The following SH3BGRL2 variants were observed in gnomAD, a reference collection of about 807,000 sequenced individuals.
SH3BGRL2 encodes the protein SH3 domain-binding glutamic acid-rich-like protein 2.
SH3BGRL2 carries 21 observed loss-of-function variants against 14.8 expected under a neutral mutation model. The observed-to-expected ratio is 1.42, with a 90% CI of 1.01 to 2.05. The LOEUF (loss-of-function observed/expected upper bound fraction) is 2.05. Ranked by LOEUF, SH3BGRL2 falls within the 30% of genes most tolerant of loss-of-function variation. SH3BGRL2 has a pLI of 0.00. For missense variants in SH3BGRL2, 147 were observed against 130.8 expected, an observed-to-expected ratio of 1.12 and a Z score of -0.61; for synonymous variants, 50 against 47.8, an observed-to-expected ratio of 1.05 and a Z score of -0.19.
At chr6:79,543,376 C>T in the SH3BGRL2 span, among the ~76,000 whole-genome samples, 2 of 152,090 alleles carry the variant, frequency 1.3e-5, no homozygotes, top group Non-Finnish European at 2.9e-5. Flanking sequence ...TGTAGCTAAC[C>T]TATTGGACAA....
the SH3BGRL2 span, among the ~76,000 whole-genome samples, chr6:79,542,437 T>A: frequency 6.6e-6 from 1 of 152,002 alleles, no homozygotes; most frequent in Admixed American, 6.6e-5. Flanking sequence ...ACCCAGCTAA[T>A]TTTGTATTAT....
the SH3BGRL2 span, among the ~76,000 whole-genome samples, chr6:79,553,927 C>T: frequency 4.6e-5 from 7 of 150,958 alleles, no homozygotes; most frequent in South Asian, 1.5e-3. Context: ...GAGATTGTGC[C>T]ACTGCACTCC....
At chr6:79,614,789 T>G in the SH3BGRL2 span, among the ~76,000 whole-genome samples, 2 of 151,920 alleles carry the variant, frequency 1.3e-5, no homozygotes, top group African/African-American at 2.4e-5. Context: ...CGGAGGCCAG[T>G]GGCCACAGGA....
At chr6:79,675,701 T>A (rs9341787) in intron 2 of SH3BGRL2, among the ~76,000 whole-genome samples, 17,548 of 152,152 alleles carry the variant, frequency 0.12, 1,264 homozygotes, top group East Asian at 0.31. Context: ...TCATTGAATT[T>A]TTGTCCTTTT....
At chr6:79,681,114 T>A (rs192390043) in intron 2 of SH3BGRL2, among the ~76,000 whole-genome samples, 2 of 152,278 alleles carry the variant, frequency 1.3e-5, no homozygotes, top group East Asian at 3.9e-4. Flanking sequence ...GAGGATGCCA[T>A]ATCTAGAGTC....
chr6:79,677,094 TG>T (rs1769900486), intron 2 of SH3BGRL2, among the ~76,000 whole-genome samples: 2 of 152,136 alleles, frequency 1.3e-5, no homozygotes, highest in African/African-American at 2.4e-5. Flanking sequence ...AATTTGACTT[TG>T]ACATAAGCAT....
intron 2 of SH3BGRL2, among the ~76,000 whole-genome samples, chr6:79,683,022 A>AAG (rs1350568834): frequency 5.9e-5 from 9 of 152,168 alleles, no homozygotes; most frequent in Non-Finnish European, 1.2e-4. Context: ...GACACAGGGC[A>AAG]GGGAACATCA....
At chr6:79,628,385 C>T (rs1289092597), upstream of SH3BGRL2, among the ~76,000 whole-genome samples, 2 of 151,650 alleles carry the variant, frequency 1.3e-5, no homozygotes, top group Non-Finnish European at 2.9e-5. Flanking sequence ...TACTTTAAAA[C>T]ATTCTAGCCA....
At chr6:79,674,834 C>G (rs1009285544) in intron 2 of SH3BGRL2, among the ~76,000 whole-genome samples, 1 of 152,118 alleles carries the variant, frequency 6.6e-6, no homozygotes, top group African/African-American at 2.4e-5. Context: ...GGCTGGGACA[C>G]CTTTGGAAAG....
chr6:79,610,901 T>C, the SH3BGRL2 span, among the ~76,000 whole-genome samples: 1 of 152,194 alleles, frequency 6.6e-6, no homozygotes, highest in South Asian at 2.1e-4. Flanking sequence ...ATATGGCACA[T>C]AGTAGGAACT....
the SH3BGRL2 span, chr6:79,573,825 GTT>G: frequency 6.6e-6 from 1 of 152,000 alleles, no homozygotes; most frequent in Non-Finnish European, 1.5e-5. Flanking sequence ...GTATTACTAT[GTT>G]TAACAATTTG....
At chr6:79,594,546 G>A in the SH3BGRL2 span, among the ~76,000 whole-genome samples, 1 of 151,956 alleles carries the variant, frequency 6.6e-6, no homozygotes, top group Admixed American at 6.6e-5. Context: ...CTTGGGCGTG[G>A]GTGTCAGATC....
At chr6:79,674,052 G>C (rs1276966242) in intron 2 of SH3BGRL2, among the ~76,000 whole-genome samples, 1 of 151,932 alleles carries the variant, frequency 6.6e-6, no homozygotes, top group African/African-American at 2.4e-5. Context: ...CTCTGTCTTT[G>C]CTTTGGAAAC....
At chr6:79,697,278 G>T (rs1024580993) in intron 3 of SH3BGRL2, among the ~76,000 whole-genome samples, 1 of 151,626 alleles carries the variant, frequency 6.6e-6, no homozygotes, top group African/African-American at 2.4e-5. Context: ...ATTAAAAAAG[G>T]GTAAAACAAA....
intron 2 of SH3BGRL2, among the ~76,000 whole-genome samples, chr6:79,684,225 T>G (rs1322023924): frequency 1.3e-5 from 2 of 152,186 alleles, no homozygotes; most frequent in Non-Finnish European, 2.9e-5. Context: ...AATTTTTACA[T>G]CCTCCATAAT....
At chr6:79,580,846 A>G in the SH3BGRL2 span, among the ~76,000 whole-genome samples, 1 of 152,216 alleles carries the variant, frequency 6.6e-6, no homozygotes, top group East Asian at 1.9e-4. Context: ...CAATGAAGCC[A>G]GGAGCTGGTT....
chr6:79,599,315 C>A, the SH3BGRL2 span, among the ~76,000 whole-genome samples: 3 of 151,712 alleles, frequency 2.0e-5, no homozygotes, highest in Admixed American at 6.6e-5. Flanking sequence ...TATGACCCAG[C>A]AAATACCCTT....
chr6:79,628,246 C>G (rs1268397214), upstream of SH3BGRL2, among the ~76,000 whole-genome samples: 3 of 151,394 alleles, frequency 2.0e-5, no homozygotes, highest in African/African-American at 7.3e-5. Flanking sequence ...CCTTTGTAAC[C>G]TTATACTTTC....
At chr6:79,667,829 T>C (rs753157936) in intron 1 of SH3BGRL2, among the ~76,000 whole-genome samples, 1 of 152,102 alleles carries the variant, frequency 6.6e-6, no homozygotes, top group Non-Finnish European at 1.5e-5. Context: ...TCTCCAAGGC[T>C]ACCCATCTGT....
Sources: allele counts gnomAD v4.1 joint callset (sites outside exome capture counted in the v4.1 genomes callset), GRCh38; gene constraint gnomAD v4.1.1; transcripts MANE v1.5; gene names NCBI Gene and HGNC (gene_info 2026-07-23, HGNC 2026-07-21).